KLRF1: variants seen among roughly 807,000 people sequenced by gnomAD.
KLRF1 encodes the protein killer cell lectin-like receptor subfamily F member 1.
KLRF1 carries 27 observed loss-of-function variants against 30.7 expected under a neutral mutation model. The observed-to-expected ratio is 0.88, with a 90% CI of 0.65 to 1.21. KLRF1 has a LOEUF of 1.21. Among genes scored for constraint, KLRF1 ranks in the 50% most tolerant of loss-of-function variants. The pLI is 0.00. For synonymous variants in KLRF1, 92 were observed against 89.3 expected (o/e 1.03, Z -0.17); for missense variants, 246 against 259.3 (o/e 0.95, Z 0.35).
At chr12:9,828,182 C>A (rs371510260) in intron 1 of KLRF1, among the ~76,000 whole-genome samples, 15 of 151,782 alleles carry the variant, frequency 9.9e-5, no homozygotes, top group East Asian at 7.7e-4. Flanking sequence ...CAGGTTCAAG[C>A]AATTCTCCTG....
the KLRF1 span, among the ~76,000 whole-genome samples, chr12:9,807,583 G>T: frequency 1.3e-5 from 2 of 152,038 alleles, no homozygotes; most frequent in African/African-American, 4.8e-5. Flanking sequence ...AAAGAAGAAA[G>T]GAAAGAAATA....
the KLRF1 span, among the ~76,000 whole-genome samples, chr12:9,816,425 C>T: frequency 7.0e-4 from 107 of 152,232 alleles, no homozygotes; most frequent in African/African-American, 2.0e-3. Context: ...AGGCAAATAC[C>T]CCCTCTTAAA....
In KLRF1 at chr12:9,833,466, C is replaced by G. The variant is rs765355159; in HGVS notation, c.334+14C>G. 1 of 1,577,910 alleles carries G rather than the reference C, an allele frequency of 6.3e-7. No individual in the cohort carries two copies. Among genetic ancestry groups the G allele is most frequent in the Non-Finnish European group, 8.6e-7 (1 of 1,166,566 alleles). On this transcript the variant is annotated intron_variant, in intron 3 of 5. Coordinates refer to ENST00000617889, the MANE Select transcript of KLRF1 (RefSeq NM_016523.3). ...CAGACCAGACAGGTATGTCTCAAGG[C>G]TTTGGCTTATCCTAGTTTTAATCTT...
At chr12:9,835,812 G>A (rs1004414484) in intron 3 of KLRF1, among the ~76,000 whole-genome samples, 10 of 152,030 alleles carry the variant, frequency 6.6e-5, no homozygotes, top group African/African-American at 1.9e-4. Flanking sequence ...TGTTGTGAGA[G>A]GTCCAAATAT....
upstream of KLRF1, among the ~76,000 whole-genome samples, chr12:9,823,103 T>G (rs748353466): frequency 5.3e-4 from 80 of 152,042 alleles, no homozygotes; most frequent in African/African-American, 1.8e-3. Context: ...CCAAATGGAT[T>G]TGATAGACCT....
the KLRF1 span, among the ~76,000 whole-genome samples, chr12:9,816,228 A>G: frequency 5.3e-5 from 8 of 152,242 alleles, no homozygotes; most frequent in African/African-American, 1.9e-4. Flanking sequence ...TTATTAGAAT[A>G]ATCTTGCCAT....
At chr12:9,819,280 A>G in the KLRF1 span, among the ~76,000 whole-genome samples, 1 of 152,146 alleles carries the variant, frequency 6.6e-6, no homozygotes, top group Non-Finnish European at 1.5e-5. Flanking sequence ...AAGGGGCTGA[A>G]TCCAAGGGGC....
chr12:9,819,346 T>A, the KLRF1 span, among the ~76,000 whole-genome samples: 4 of 152,140 alleles, frequency 2.6e-5, no homozygotes, highest in African/African-American at 9.7e-5. Context: ...GATAAGACCC[T>A]CTGGCTTGGA....
intron 2 of KLRF1, among the ~76,000 whole-genome samples, chr12:9,832,950 A>G (rs933055605): frequency 2.0e-5 from 3 of 152,120 alleles, no homozygotes; most frequent in African/African-American, 7.2e-5. Flanking sequence ...CTAAGTAATT[A>G]TGGTACAATG....
upstream of KLRF1, among the ~76,000 whole-genome samples, chr12:9,827,027 A>T (rs1867295864): frequency 6.6e-6 from 1 of 152,062 alleles, no homozygotes; most frequent in Non-Finnish European, 1.5e-5. Context: ...CCTAAAAGTT[A>T]AAAAAAATCA....
the KLRF1 span, among the ~76,000 whole-genome samples, chr12:9,821,624 C>T: frequency 1.3e-5 from 2 of 152,166 alleles, no homozygotes; most frequent in Non-Finnish European, 2.9e-5. Context: ...CACAACCACT[C>T]CTAAGGTCCC....
At chr12:9,823,842 A>T (rs1195444265), upstream of KLRF1, among the ~76,000 whole-genome samples, 1 of 152,146 alleles carries the variant, frequency 6.6e-6, no homozygotes, top group Non-Finnish European at 1.5e-5. Flanking sequence ...ATCAAAGACT[A>T]CTACAAACAC....
At chr12:9,818,569 A>G in the KLRF1 span, among the ~76,000 whole-genome samples, 1 of 152,236 alleles carries the variant, frequency 6.6e-6, no homozygotes, top group Non-Finnish European at 1.5e-5. Context: ...TGTTCCTAAA[A>G]TATGTGATTG....
chr12:9,815,337 A>G, the KLRF1 span, among the ~76,000 whole-genome samples: 1 of 152,214 alleles, frequency 6.6e-6, no homozygotes, highest in East Asian at 1.9e-4. Context: ...GAAATGTCTC[A>G]ACATGCTATG....
At chr12:9,832,270 C>G in intron 1 of KLRF1, 46 bp from the exon 2 acceptor site, 1 of 1,063,704 alleles carries the variant, frequency 9.4e-7, no homozygotes, top group Non-Finnish European at 1.5e-6. Flanking sequence ...GTATTACTTC[C>G]TGGAAGCATA....
the KLRF1 span, among the ~76,000 whole-genome samples, chr12:9,807,485 C>T: frequency 2.0e-5 from 3 of 152,028 alleles, no homozygotes; most frequent in African/African-American, 4.8e-5. Context: ...GTGCAGCTAT[C>T]GTCAAACACA....
intron 1 of KLRF1, among the ~76,000 whole-genome samples, chr12:9,831,334 T>G (rs1867423489): frequency 6.6e-6 from 1 of 152,158 alleles, no homozygotes; most frequent in Admixed American, 6.6e-5. Context: ...CTGCGAACTA[T>G]TTATCTAAAA....
chr12:9,844,344 G>T, intron 5 of KLRF1, 74 bp from the exon 6 acceptor site: 1 of 756,434 alleles, frequency 1.3e-6, no homozygotes, highest in African/African-American at 1.8e-5. Context: ...ATTTAAAAGA[G>T]GATATTAGCA....
Position 9,844,615 on chromosome 12 carries a change from A to C in KLRF1, c.*89A>C. The C allele has an allele frequency of 1.4e-6, 1 of 694,722 alleles. No individual in the cohort carries two copies. Among genetic ancestry groups the C allele is most frequent in the South Asian group, 1.7e-5 (1 of 58,310 alleles). The allele number at this position is 694,722 out of a possible 1,614,324, so 43.0% of individuals were successfully genotyped here. On this transcript the variant is annotated 3_prime_UTR_variant, in exon 6 of 6. Transcript: ENST00000617889. ...ATTAATCTCCAGGTGTAAGATTTTAAAGTGCAATTAAATGCCAAAATCTCT... is the reference window on the plus strand; with the variant it reads ...ATTAATCTCCAGGTGTAAGATTTTACAGTGCAATTAAATGCCAAAATCTCT...
Sources: allele counts gnomAD v4.1 joint callset (sites outside exome capture counted in the v4.1 genomes callset), GRCh38; gene constraint gnomAD v4.1.1; transcripts MANE v1.5; gene names NCBI Gene and HGNC (gene_info 2026-07-23, HGNC 2026-07-21).